GRM5: variants seen among roughly 807,000 people sequenced by gnomAD.
GRM5 encodes glutamate metabotropic receptor 5.
GRM5 carries 19 observed loss-of-function variants against 83.1 expected under a neutral mutation model. The observed-to-expected ratio is 0.23, with a 90% confidence interval of 0.16 to 0.34. The LOEUF (loss-of-function observed/expected upper bound fraction) is 0.34, where lower values mean the gene tolerates loss of function less well. Among genes scored for constraint, GRM5 ranks in the 10% least tolerant of loss-of-function variants. The probability of loss-of-function intolerance (pLI) is 1.00; values close to 1 mark genes in which losing one functional copy is unlikely to be tolerated. For missense variants in GRM5, 1,160 were observed against 1,588.3 expected (o/e 0.73, Z 4.58); for synonymous variants, 675 against 633.6 (o/e 1.07, Z -0.98).
At chr11:88,743,455 T>C (rs1942069622) in intron 3 of GRM5, among the ~76,000 whole-genome samples, 1 of 152,114 alleles carries the variant, frequency 6.6e-6, no homozygotes, top group Admixed American at 6.6e-5. Context: ...CATCCACACT[T>C]CTCATGCCAA....
chr11:88,605,772 T>C (rs1195498355), intron 4 of GRM5, among the ~76,000 whole-genome samples: 3 of 152,170 alleles, frequency 2.0e-5, no homozygotes, highest in African/African-American at 7.2e-5. Flanking sequence ...TCTTGGGAAC[T>C]AAGGAACTAA....
intron 2 of GRM5, among the ~76,000 whole-genome samples, chr11:88,907,015 G>A (rs1176706342): frequency 2.6e-5 from 4 of 151,806 alleles, no homozygotes; most frequent in Non-Finnish European, 4.4e-5. Context: ...TTGAGGATTT[G>A]AGGCAGTTTG....
At chr11:88,754,869 C>G (rs1343233126) in intron 3 of GRM5, among the ~76,000 whole-genome samples, 1 of 152,102 alleles carries the variant, frequency 6.6e-6, no homozygotes, top group Non-Finnish European at 1.5e-5. Flanking sequence ...TTCTCCAAAT[C>G]AATTGTCTCT....
chr11:88,644,124 A>G (rs562855800), intron 4 of GRM5, among the ~76,000 whole-genome samples: 11 of 152,194 alleles, frequency 7.2e-5, no homozygotes, highest in Non-Finnish European at 1.6e-4. Flanking sequence ...GCCGTAAACA[A>G]CTATGATTTC....
intron 5 of GRM5, among the ~76,000 whole-genome samples, chr11:88,601,786 C>T (rs183176979): frequency 1.5e-4 from 23 of 152,216 alleles, no homozygotes; most frequent in East Asian, 5.8e-4. Context: ...TCCCTAAACC[C>T]GAGATTAGCA....
intron 3 of GRM5, among the ~76,000 whole-genome samples, chr11:88,684,869 G>A (rs1410703061): frequency 1.3e-5 from 2 of 152,122 alleles, no homozygotes; most frequent in Non-Finnish European, 2.9e-5. Flanking sequence ...TGATTCTGAG[G>A]CCTTGCCAGC....
chr11:89,056,405 T>C lies in GRM5; in HGVS notation c.-200-8333A>G, dbSNP rs76177529. ...CTGTGCAACGTCACCACAAGATTCATTCATTATTTTAACAAGTGTCTAGTA... is the reference window on the plus strand; with the variant it reads ...CTGTGCAACGTCACCACAAGATTCACTCATTATTTTAACAAGTGTCTAGTA... On this transcript the variant is annotated intron_variant, in intron 1 of 9. Transcript: ENST00000305447. 9.0e-3 allele frequency among the ~76,000 whole-genome samples: 1,373 copies of C among 152,270 alleles called. 17 individuals are homozygous for C. Among genetic ancestry groups the C allele is most frequent in the African/African-American group, 0.032 (1,316 of 41,548 alleles).
intron 8 of GRM5, among the ~76,000 whole-genome samples, chr11:88,531,195 A>T (rs1941999895): frequency 6.6e-6 from 1 of 152,100 alleles, no homozygotes; most frequent in Non-Finnish European, 1.5e-5. Flanking sequence ...TGTCCTGTGA[A>T]ACACGTGATA....
chr11:89,041,678 T>A (rs1006761237), intron 2 of GRM5, among the ~76,000 whole-genome samples: 4 of 152,182 alleles, frequency 2.6e-5, no homozygotes, highest in African/African-American at 9.6e-5. Flanking sequence ...GCTATCTGTA[T>A]TTTTTTCACT....
intron 3 of GRM5, among the ~76,000 whole-genome samples, chr11:88,774,899 A>C (rs554886035): frequency 1.3e-4 from 20 of 152,298 alleles, no homozygotes; most frequent in African/African-American, 4.1e-4. Context: ...TATTGGTCTA[A>C]AATTCTCTTT....
rs1941306509 is a variant in GRM5 at position 88,509,585 on chromosome 11, C to A, written c.2727-81G>T. On this transcript the variant is annotated intron_variant, in intron 9 of 9. Transcript: ENST00000305447. ...TGCCGCTTCCCCAATGGTGGTTGCT[C>A]ATGGGCCCCGGACTGGGGAGGACTT... The A allele has an allele frequency of 5.0e-6, 5 of 999,280 alleles. No individual in the cohort carries two copies. In the East Asian group the frequency reaches 1.0e-4, roughly 21 times the overall value. The allele number at this position is 999,280 out of a possible 1,614,324, so 61.9% of individuals were successfully genotyped here. A position where few individuals can be genotyped will look rare whatever the true frequency, so the allele number is the denominator to read the frequency against.
intron 2 of GRM5, among the ~76,000 whole-genome samples, chr11:88,926,312 T>C (rs1945788854): frequency 6.6e-6 from 1 of 152,178 alleles, no homozygotes; most frequent in African/African-American, 2.4e-5. Context: ...ACAGTGTGAG[T>C]TGTGAAAAGT....
intron 9 of GRM5, among the ~76,000 whole-genome samples, chr11:88,524,680 A>G (rs1006698606): frequency 1.3e-5 from 2 of 152,228 alleles, no homozygotes; most frequent in African/African-American, 2.4e-5. Context: ...GCGACAGAGA[A>G]TGTTCATCAC....
intron 4 of GRM5, among the ~76,000 whole-genome samples, chr11:88,635,928 A>G (rs900733482): frequency 6.6e-6 from 1 of 152,224 alleles, no homozygotes; most frequent in Non-Finnish European, 1.5e-5. Context: ...ATACTAATGT[A>G]TTAAAATTTT....
intron 4 of GRM5, among the ~76,000 whole-genome samples, chr11:88,605,668 A>C (rs1310142566): frequency 1.3e-5 from 2 of 152,224 alleles, no homozygotes; most frequent in Non-Finnish European, 2.9e-5. Context: ...ATGTAAATAC[A>C]GTGAAAGGTA....
chr11:88,973,002 T>C (rs11021690), intron 2 of GRM5, among the ~76,000 whole-genome samples: 17,628 of 152,098 alleles, frequency 0.12, 3,285 homozygotes, highest in African/African-American at 0.39. Context: ...TTAAAAATGT[T>C]AGGACCATTA....
At chr11:89,009,918 A>AAAAC (rs1565333871) in intron 2 of GRM5, among the ~76,000 whole-genome samples, 11 of 136,170 alleles carry the variant, frequency 8.1e-5, no homozygotes, top group African/African-American at 2.2e-4. Context: ...AAAAAAAAAA[A>AAAAC]AAAAAAAAAA....
At position 88,814,698 on chromosome 11, in the gene GRM5, AAAG is replaced by A. The variant is rs1214529336; in HGVS notation, c.911+35205_911+35207del. ...AAATTGAAGAGATTTATAAAGATAA[AAAG>A]AATACAACAATCACAAAAGTAAAAT... On this transcript the variant is annotated intron_variant, in intron 3 of 9. Coordinates refer to ENST00000305447, the MANE Select transcript of GRM5 (RefSeq NM_001143831.3). Among the ~76,000 whole-genome samples the A allele has an allele frequency of 1.4e-4, 22 of 152,342 alleles. No individual in the cohort carries two copies. In the Middle Eastern group the frequency reaches 0.01, roughly 71 times the overall value.
At chr11:88,871,219 T>A (rs1944762170) in intron 2 of GRM5, among the ~76,000 whole-genome samples, 1 of 151,618 alleles carries the variant, frequency 6.6e-6, no homozygotes, top group African/African-American at 2.4e-5. Flanking sequence ...ATTTCCCAGA[T>A]GAAGAAACTA....
Sources: gnomAD v4.1 joint callset for allele counts (sites outside exome capture counted in the v4.1 genomes callset) on GRCh38, gnomAD v4.1.1 for gene constraint, MANE v1.5 for transcripts, NCBI Gene and HGNC (gene_info 2026-07-23, HGNC 2026-07-21) for gene names.